The following NECAB3 variants were observed in gnomAD, a reference collection of about 807,000 sequenced individuals.
NECAB3 encodes the protein N-terminal EF-hand calcium-binding protein 3.
A neutral mutation model predicts 57.2 loss-of-function variants in NECAB3; 38 were observed. The ratio of observed to expected loss-of-function variants is 0.66; its 90% CI spans 0.51 to 0.87. The LOEUF (loss-of-function observed/expected upper bound fraction) is 0.87, where lower values mean the gene tolerates loss of function less well. NECAB3 is among the 40% of genes least tolerant of loss of function. The pLI is 0.00. For missense variants in NECAB3, 474 were observed against 527.5 expected, an observed-to-expected ratio of 0.90 and a Z score of 0.99; for synonymous variants, 223 against 222.6, an observed-to-expected ratio of 1.00 and a Z score of -0.02.
intron 5 of NECAB3, chr20:33,665,719 C>T (rs923002000): frequency 6.6e-6 from 1 of 152,194 alleles, no homozygotes; most frequent in Non-Finnish European, 1.5e-5. Flanking sequence ...TTATTACTAC[C>T]TTTTGGAGGA....
Position 33,658,820 on chromosome 20 carries a change from G to A in NECAB3, c.894C>T (p.Ala298=), listed in dbSNP as rs955434813. The A allele has an allele frequency of 1.1e-5, 18 of 1,613,276 alleles. No homozygotes were observed. Among genetic ancestry groups the A allele is most frequent in the Non-Finnish European group, 1.3e-5 (15 of 1,179,894 alleles). The change falls in exon 9 of 12, where the codon GCC becomes GCT. Residue 298 remains alanine (A), a synonymous_variant. Coordinates refer to ENST00000246190, the MANE Select transcript of NECAB3 (RefSeq NM_031232.4). ...AKGPDLHILM[A]QRQVQVAEEG... is the part of the protein sequence containing the mutation. The stretch of plus-strand genomic sequence containing the variant: ...CCTCTGCCACCTGGACCTGCCTCTG[G>A]GCCATGAGGATGTGCTGGTGGGAGA...
At chr20:33,666,514 G>C (rs2017656337) in intron 5 of NECAB3, 1 of 152,442 alleles carries the variant, frequency 6.6e-6, no homozygotes, top group African/African-American at 2.4e-5. Context: ...CTTCCGTCAA[G>C]CCCAGGTGAG....
At chr20:33,663,488 GC>G in intron 5 of NECAB3, 1 of 1,574,604 alleles carries the variant, frequency 6.4e-7, no homozygotes. Context: ...CGTGGGCTCG[GC>G]CCTAGCGCGC....
intron 5 of NECAB3, among the ~76,000 whole-genome samples, chr20:33,661,508 C>T (rs2017475231): frequency 6.6e-6 from 1 of 152,338 alleles, no homozygotes; most frequent in East Asian, 1.9e-4. Flanking sequence ...CATTCTCAGA[C>T]AGGCCAGGGT....
At position 33,659,984 on chromosome 20, in the gene NECAB3, C is replaced by T. The variant is rs377141397; in HGVS notation, c.544G>A (p.Glu182Lys). The change falls in exon 7 of 12, where the codon GAG (glutamate) becomes AAG (lysine). Residue 182 changes from glutamate to lysine, a missense_variant. By Grantham distance (56) the Glu-to-Lys change is moderately conservative (BLOSUM62 1). Coordinates refer to ENST00000246190, the MANE Select transcript of NECAB3 (RefSeq NM_031232.4). Reference sequence around the variant, plus strand: ...CTGCCGCAGAGCCTGCTCTGCGCCTCCACGCTCTCTGCATCTGACCTAGAG... The same window carrying T: ...CTGCCGCAGAGCCTGCTCTGCGCCTTCACGCTCTCTGCATCTGACCTAGAG... ...HGWRSDAESV[E>K]AQSRLCGSRR... is the part of the protein sequence containing the mutation. 5 of 1,570,850 alleles carry T rather than the reference C, an allele frequency of 3.2e-6. No homozygotes were observed. The highest frequency in any genetic ancestry group is 3.4e-6 in the Non-Finnish European group (4 of 1,160,882).
intron 1 of NECAB3, among the ~76,000 whole-genome samples, chr20:33,673,278 T>A (rs1173453375): frequency 6.6e-6 from 1 of 152,134 alleles, no homozygotes; most frequent in African/African-American, 2.4e-5. Flanking sequence ...AGAGCCCCCA[T>A]GAACTCCAGG....
chr20:33,667,404 C>T (rs1465803753), intron 5 of NECAB3: 2 of 1,395,834 alleles, frequency 1.4e-6, no homozygotes, highest in Admixed American at 3.2e-5. Flanking sequence ...AGCAGTGGCC[C>T]GTGCTGGTGA....
Position 33,660,403 on chromosome 20 carries a change from C to A in NECAB3, c.388-8G>T. 6.2e-7 allele frequency: 1 copy of A among 1,612,182 alleles called. No individual in the cohort carries two copies. Among genetic ancestry groups the A allele is most frequent in the Non-Finnish European group, 8.5e-7 (1 of 1,178,848 alleles). On this transcript the variant is annotated splice_region_variant and splice_polypyrimidine_tract_variant and intron_variant, in intron 5 of 11. Transcript: ENST00000246190. The surrounding 1 kb of genome is among the most constrained non-coding windows in gnomAD (Gnocchi z 4.1). ...GGAGGCCCTCTCGTACTCCTGTGGGCCAAGGAGGGACGGTCAGCATCTCCC... is the reference window on the plus strand; with the variant it reads ...GGAGGCCCTCTCGTACTCCTGTGGGACAAGGAGGGACGGTCAGCATCTCCC...
chr20:33,657,775 G>C lies in NECAB3; in HGVS notation c.*54C>G. On this transcript the variant is annotated 3_prime_UTR_variant, in exon 12 of 12. Coordinates refer to ENST00000246190, the MANE Select transcript of NECAB3 (RefSeq NM_031232.4). ...TGCGCTGGGCTGGCCAGTCCAGAAG[G>C]CTCCAGAGGGAGGCAGGCAGGGTCC... The C allele has an allele frequency of 6.7e-7, 1 of 1,487,364 alleles. No homozygotes were observed. Among genetic ancestry groups the C allele is most frequent in the East Asian group, 2.5e-5 (1 of 40,420 alleles). 92.1% of individuals were successfully genotyped at this position (1,487,364 alleles called of 1,614,324 possible).
chr20:33,657,996 T>C lies in NECAB3; in HGVS notation c.1108A>G (p.Ile370Val), dbSNP rs1673971040. Residue 370 changes from isoleucine to valine, a missense_variant, in exon 11 of 12, where the codon ATC becomes GTC. Physicochemically the swap from Ile to Val is conservative, Grantham distance 29 (BLOSUM62 3). Coordinates refer to ENST00000246190, the MANE Select transcript of NECAB3 (RefSeq NM_031232.4). The part of the protein sequence containing the change: ...QSPGSKAFQR[I>V]LIDHLRAPDT... ...GGGGCCCGCAGGTGGTCGATGAGGATGCGCTGGAAGGCCTTGCTGCCAGGC... is the reference window on the plus strand; with the variant it reads ...GGGGCCCGCAGGTGGTCGATGAGGACGCGCTGGAAGGCCTTGCTGCCAGGC... The C allele has an allele frequency of 6.4e-7, 1 of 1,555,700 alleles. No homozygotes were observed. The highest frequency in any genetic ancestry group is 8.7e-7 in the Non-Finnish European group (1 of 1,149,536).
intron 5 of NECAB3, chr20:33,663,807 A>G: frequency 1.4e-6 from 2 of 1,416,412 alleles, no homozygotes; most frequent in Non-Finnish European, 1.8e-6. Flanking sequence ...CTCCCCGCGA[A>G]GCCGGCCCCG....
In NECAB3 at chr20:33,657,604, G is replaced by C. The variant is rs1347092133; in HGVS notation, c.*225C>G. ...TCTCCTGAGCCAGGCAGAAGCCAAA[G>C]TAGCTTGGAGGCTGAAGTGACAAAC... On this transcript the variant is annotated 3_prime_UTR_variant, in exon 12 of 12. Transcript: ENST00000246190. 2.1e-6 allele frequency: 1 copy of C among 482,740 alleles called. No individual in the cohort carries two copies. Among genetic ancestry groups the C allele is most frequent in the African/African-American group, 2.0e-5 (1 of 49,324 alleles). The allele number at this position is 482,740 out of a possible 1,614,324, so 29.9% of individuals were successfully genotyped here. A position where few individuals can be genotyped will look rare whatever the true frequency, so the allele number is the denominator to read the frequency against.
At chr20:33,670,621 G>T in intron 3 of NECAB3, 63 bp downstream of exon 3, 1 of 1,198,586 alleles carries the variant, frequency 8.3e-7, no homozygotes, top group East Asian at 2.4e-5. Flanking sequence ...AAGGCAGCAG[G>T]GGACACAGTG....
intron 5 of NECAB3, 178 bp downstream of exon 5, chr20:33,669,197 T>C: frequency 1.6e-6 from 1 of 609,300 alleles, no homozygotes; most frequent in South Asian, 2.0e-5. Context: ...GTTATGATGG[T>C]TTACAGATGA....
Position 33,668,031 on chromosome 20 carries a change from C to A in NECAB3, c.387+1344G>T, listed in dbSNP as rs772772628. ...CACTGTTTCCTGGCTTCGCCGAGCG[C>A]CTGGACAAGGAGCTGGAGGCGCAGT... On this transcript the variant is annotated intron_variant, in intron 5 of 11. Transcript: ENST00000246190. 6 of 1,546,746 alleles carry A rather than the reference C, an allele frequency of 3.9e-6. 1 individual carries two copies. In the South Asian group the frequency reaches 5.9e-5, roughly 15 times the overall value.
intron 5 of NECAB3, chr20:33,663,455 A>C (rs2017544971): frequency 6.8e-6 from 10 of 1,473,266 alleles, no homozygotes; most frequent in Non-Finnish European, 9.1e-6. Context: ...GGGTCCCAGG[A>C]GAAGCGCGGA....
In NECAB3 at chr20:33,659,545, G is replaced by A; in HGVS notation, c.831C>T (p.Pro277=). The change falls in exon 8 of 12, where the codon CCC becomes CCT. Residue 277 remains proline, a synonymous_variant. Coordinates refer to ENST00000246190, the MANE Select transcript of NECAB3 (RefSeq NM_031232.4). The part of the protein sequence containing the change: ...PGPHSVPSQA[P]RLEPLREEDL... Reference sequence around the variant, plus strand: ...CCTCTTCACGCAGGGGTTCCAGCCGGGGGGCCTGTGAGGGCACAGAGTGTG... The same window carrying A: ...CCTCTTCACGCAGGGGTTCCAGCCGAGGGGCCTGTGAGGGCACAGAGTGTG... The A allele has an allele frequency of 3.9e-6, 6 of 1,555,866 alleles. No homozygotes were observed. Among genetic ancestry groups the A allele is most frequent in the Non-Finnish European group, 4.4e-6 (5 of 1,146,712 alleles).
chr20:33,658,597 C>T (rs2017357557), intron 9 of NECAB3, 43 bp from the exon 10 acceptor site: 3 of 1,608,920 alleles, frequency 1.9e-6, no homozygotes, highest in Non-Finnish European at 2.6e-6. Flanking sequence ...AGGGCTGCCA[C>T]CACCTCTGCC....
chr20:33,673,629 AG>A (rs1474406146), intron 1 of NECAB3, among the ~76,000 whole-genome samples: 1 of 141,654 alleles, frequency 7.1e-6, no homozygotes, highest in Non-Finnish European at 1.5e-5. Flanking sequence ...GGCAGTGGGG[AG>A]GGGGTGGGAG....
Sources: gnomAD v4.1 joint callset for allele counts (sites outside exome capture counted in the v4.1 genomes callset) on GRCh38, gnomAD v4.1.1 for gene constraint, Gnocchi (gnomAD v3.1) non-coding constraint, MANE v1.5 for transcripts, NCBI Gene and HGNC (gene_info 2026-07-23, HGNC 2026-07-21) for gene names.